RNF138: variants seen among roughly 807,000 people sequenced by gnomAD.
RNF138 encodes the protein ring finger protein 138, also known as E3 ubiquitin-protein ligase RNF138.
In RNF138, 12 loss-of-function variants were observed where a neutral mutation model predicts 31.0. The observed-to-expected ratio is 0.39, with a 90% CI of 0.25 to 0.63. The LOEUF is 0.63. Ranked by LOEUF, RNF138 falls within the 20% of genes least tolerant of loss-of-function variation. The probability of loss-of-function intolerance (pLI) is 0.52; values close to 1 mark genes in which losing one functional copy is unlikely to be tolerated. For synonymous variants in RNF138, 105 were observed against 99.5 expected, an observed-to-expected ratio of 1.06 and a Z score of -0.33; for missense variants, 192 against 300.1, an observed-to-expected ratio of 0.64 and a Z score of 2.66.
chr18:32,107,037 GTCTCCTATGGCTAC>G (rs1297923233), intron 2 of RNF138, among the ~76,000 whole-genome samples: 1 of 149,578 alleles, frequency 6.7e-6, no homozygotes, highest in East Asian at 2.0e-4. Context: ...TTCTCTTTCT[GTCTCCTATGGCTAC>G]TGGGCCACTG....
At chr18:32,108,204 A>G (rs954333121) in intron 2 of RNF138, among the ~76,000 whole-genome samples, 1 of 152,156 alleles carries the variant, frequency 6.6e-6, no homozygotes, top group African/African-American at 2.4e-5. Context: ...TGTCCCTATC[A>G]CAGATATCCA....
At chr18:32,093,984 G>T (rs997010245) in intron 2 of RNF138, among the ~76,000 whole-genome samples, 2 of 152,076 alleles carry the variant, frequency 1.3e-5, no homozygotes, top group Non-Finnish European at 2.9e-5. Context: ...GTAGAGACGG[G>T]GTTTCACCGT....
At chr18:32,107,479 A>C (rs543977225) in intron 2 of RNF138, among the ~76,000 whole-genome samples, 15 of 149,040 alleles carry the variant, frequency 1.0e-4, no homozygotes, top group African/African-American at 3.4e-4. Flanking sequence ...TTTTTTTTAA[A>C]GGCCAGTTAG....
At chr18:32,118,564 C>T (rs139603069) in intron 4 of RNF138, among the ~76,000 whole-genome samples, 4,358 of 151,620 alleles carry the variant, frequency 0.029, 214 homozygotes, top group African/African-American at 0.1. Context: ...GGCGCAGTGG[C>T]TCACGCCTGT....
chr18:32,092,637 G>T (rs1172524093), intron 1 of RNF138, 63 bp from the exon 2 acceptor site: 2 of 639,674 alleles, frequency 3.1e-6, no homozygotes, highest in South Asian at 1.7e-5. Context: ...CCAGGGCCCC[G>T]CCCCCTTCCT....
In RNF138 at chr18:32,093,104, A is replaced by G. The variant is rs146035926; in HGVS notation, c.110+218A>G. On this transcript the variant is annotated intron_variant, in intron 2 of 7. Transcript: ENST00000261593. ...CCCCGCGTCCAGCCCCCTCAGCCCA[A>G]GCTCCCGCTCTCCCGCTCTCCCGCT... Among the ~76,000 whole-genome samples, 284 of 129,806 alleles carry G rather than the reference A, an allele frequency of 2.2e-3. 4 individuals carry two copies. Among genetic ancestry groups the G allele is most frequent in the Non-Finnish European group, 2.9e-3 (182 of 63,214 alleles). The allele number at this position is 129,806 out of a possible 152,430, so 85.2% of individuals were successfully genotyped here. A position where few individuals can be genotyped will look rare whatever the true frequency, so the allele number is the denominator to read the frequency against.
chr18:32,120,033 T>TATATATATAGAAGC (rs2040278431), intron 4 of RNF138, among the ~76,000 whole-genome samples: 1 of 152,204 alleles, frequency 6.6e-6, no homozygotes, highest in Admixed American at 6.5e-5. Flanking sequence ...TGTCTGCTTC[T>TATATATATAGAAGC]TTTAAACCTA....
At chr18:32,094,973 A>G (rs2039779054) in intron 2 of RNF138, among the ~76,000 whole-genome samples, 2 of 152,278 alleles carry the variant, frequency 1.3e-5, no homozygotes, top group South Asian at 2.1e-4. Flanking sequence ...GACTGTGGAA[A>G]ATGTTGGAGA....
At chr18:32,092,907 C>A (rs1039436621) in intron 2 of RNF138, 21 bp downstream of exon 2, 3 of 1,406,060 alleles carry the variant, frequency 2.1e-6, no homozygotes, top group East Asian at 2.8e-5. Flanking sequence ...GCCCCCTCCC[C>A]CTCGCGGAGC....
In RNF138 at chr18:32,131,208, T is replaced by C. The variant is rs886732770; in HGVS notation, c.*2021T>C. ...AATGAGTTAAATATCATTGATAGTC[T>C]TGTGTGTCTCACATATCAGCTTTTT... On this transcript the variant is annotated 3_prime_UTR_variant, in exon 8 of 8. Coordinates refer to ENST00000261593, the MANE Select transcript of RNF138 (RefSeq NM_016271.5). 1 of 152,202 alleles carries C rather than the reference T, an allele frequency of 6.6e-6. No homozygotes were observed. The highest frequency in any genetic ancestry group is 2.4e-5 in the African/African-American group (1 of 41,470). The allele number at this position is 152,202 out of a possible 1,614,324, so 9.4% of individuals were successfully genotyped here.
At chr18:32,113,631 A>G in intron 3 of RNF138, 114 bp from the exon 4 acceptor site, 1 of 517,210 alleles carries the variant, frequency 1.9e-6, no homozygotes, top group East Asian at 3.5e-5. Flanking sequence ...TTAAAAAAAT[A>G]CAACTCCTGT....
intron 2 of RNF138, chr18:32,109,521 AC>A (rs1160413794): frequency 1.3e-5 from 2 of 152,234 alleles, no homozygotes; most frequent in Non-Finnish European, 2.9e-5. Context: ...AGACCCTCCC[AC>A]CTCAGCCTCC....
chr18:32,113,881 A>T, intron 4 of RNF138, 21 bp downstream of exon 4: 1 of 1,138,070 alleles, frequency 8.8e-7, no homozygotes, highest in Non-Finnish European at 1.3e-6. Context: ...CTTATTCCTA[A>T]ATACAGAATT....
chr18:32,106,754 CAG>C (rs1189785440), intron 2 of RNF138, among the ~76,000 whole-genome samples: 1 of 151,822 alleles, frequency 6.6e-6, no homozygotes, highest in Non-Finnish European at 1.5e-5. Flanking sequence ...TTAGTAGAGA[CAG>C]GGTTTCACCG....
At chr18:32,117,516 T>G (rs750136806) in intron 4 of RNF138, among the ~76,000 whole-genome samples, 2 of 152,166 alleles carry the variant, frequency 1.3e-5, no homozygotes, top group African/African-American at 2.4e-5. Flanking sequence ...AAAAAAAAAT[T>G]GCAAAATAAA....
chr18:32,094,608 GAAA>G (rs1022315628), intron 2 of RNF138, among the ~76,000 whole-genome samples: 1 of 145,956 alleles, frequency 6.9e-6, no homozygotes, highest in African/African-American at 2.5e-5. Flanking sequence ...CATCTGACAT[GAAA>G]AAAAAAACGT....
At chr18:32,102,316 C>T (rs1486070065) in intron 2 of RNF138, among the ~76,000 whole-genome samples, 2 of 149,804 alleles carry the variant, frequency 1.3e-5, no homozygotes, top group East Asian at 4.0e-4. Context: ...ATTCTCCTGC[C>T]TCAGCCTCCC....
intron 7 of RNF138, among the ~76,000 whole-genome samples, chr18:32,127,491 T>C (rs1403151967): frequency 6.6e-6 from 1 of 152,186 alleles, no homozygotes; most frequent in African/African-American, 2.4e-5. Flanking sequence ...GTAAGCAGAG[T>C]GACATGAACA....
chr18:32,119,657 C>CA (rs2040272834), intron 4 of RNF138, among the ~76,000 whole-genome samples: 1 of 152,210 alleles, frequency 6.6e-6, no homozygotes, highest in Admixed American at 6.5e-5. Context: ...CTCCTGGCCT[C>CA]AGGTGATCCG....
Sources: gnomAD v4.1 joint callset for allele counts (sites outside exome capture counted in the v4.1 genomes callset) on GRCh38, gnomAD v4.1.1 for gene constraint, MANE v1.5 for transcripts, NCBI Gene and HGNC (gene_info 2026-07-23, HGNC 2026-07-21) for gene names.